The following NELL1 variants were observed in gnomAD, a reference collection of about 807,000 sequenced individuals.
The protein encoded by NELL1 is protein kinase C-binding protein NELL1.
In NELL1, 76 loss-of-function variants were observed where a neutral mutation model predicts 107.4. The observed-to-expected ratio is 0.71, with a 90% CI of 0.59 to 0.86. The LOEUF (loss-of-function observed/expected upper bound fraction) is 0.86. NELL1 is among the 40% of genes least tolerant of loss of function. NELL1 has a pLI of 0.00. For missense variants in NELL1, 1,024 were observed against 1,005.5 expected (o/e 1.02, Z -0.25); for synonymous variants, 353 against 341.2 (o/e 1.03, Z -0.38).
At chr11:20,920,324 A>C (rs1049699179) in intron 7 of NELL1, among the ~76,000 whole-genome samples, 4 of 152,120 alleles carry the variant, frequency 2.6e-5, no homozygotes, top group Non-Finnish European at 4.4e-5. Flanking sequence ...GTGCAAAAAA[A>C]TTGGTGGGTA....
At chr11:20,696,114 AT>A (rs914611494) in intron 2 of NELL1, among the ~76,000 whole-genome samples, 3 of 151,746 alleles carry the variant, frequency 2.0e-5, no homozygotes, top group Admixed American at 1.3e-4. Flanking sequence ...TTTCTGGGGG[AT>A]TGGTTGAAAT....
At chr11:21,271,359 T>C (rs1848735778) in intron 14 of NELL1, among the ~76,000 whole-genome samples, 1 of 152,154 alleles carries the variant, frequency 6.6e-6, no homozygotes, top group African/African-American at 2.4e-5. Context: ...TATGAACAAC[T>C]CTCTATGCCC....
At chr11:21,188,372 T>G (rs1256070268) in intron 13 of NELL1, among the ~76,000 whole-genome samples, 1 of 151,764 alleles carries the variant, frequency 6.6e-6, no homozygotes, top group Non-Finnish European at 1.5e-5. Flanking sequence ...CCCCAGCCCT[T>G]TATCCACAAC....
At chr11:21,261,170 T>A (rs1848523057) in intron 14 of NELL1, among the ~76,000 whole-genome samples, 1 of 151,502 alleles carries the variant, frequency 6.6e-6, no homozygotes, top group Admixed American at 6.6e-5. Flanking sequence ...ATAATTTGGG[T>A]GAAAATAAAA....
chr11:21,098,078 T>C (rs1854695977), intron 12 of NELL1, among the ~76,000 whole-genome samples: 1 of 152,102 alleles, frequency 6.6e-6, no homozygotes, highest in Non-Finnish European at 1.5e-5. Context: ...ACATTCAAGG[T>C]CTGCCTGGAT....
chr11:21,362,546 T>C (rs1186259783), intron 14 of NELL1, among the ~76,000 whole-genome samples: 1 of 152,152 alleles, frequency 6.6e-6, no homozygotes, highest in Non-Finnish European at 1.5e-5. Context: ...GGCATTGGAA[T>C]TAGGTGTCGT....
chr11:21,463,011 AG>A (rs756972248), intron 15 of NELL1, among the ~76,000 whole-genome samples: 209 of 152,222 alleles, frequency 1.4e-3, no homozygotes, highest in South Asian at 2.3e-3. Flanking sequence ...GTTTCAAAAT[AG>A]GTTCCTTGAA....
chr11:21,532,802 A>G (rs1017725294), intron 15 of NELL1, among the ~76,000 whole-genome samples: 2 of 152,206 alleles, frequency 1.3e-5, no homozygotes, highest in South Asian at 2.1e-4. Flanking sequence ...GTATTCAAAA[A>G]GCAGTGGGCT....
At chr11:21,100,505 A>T (rs1364962118) in intron 12 of NELL1, among the ~76,000 whole-genome samples, 1 of 152,174 alleles carries the variant, frequency 6.6e-6, no homozygotes, top group East Asian at 1.9e-4. Flanking sequence ...GAAACCTCAA[A>T]TTTATGGTGG....
chr11:20,814,157 G>C (rs1243316796), intron 3 of NELL1, among the ~76,000 whole-genome samples: 9 of 151,714 alleles, frequency 5.9e-5, no homozygotes. Flanking sequence ...CGCCACGCCC[G>C]GCTAATTTTT....
At chr11:21,066,405 A>AT (rs978099081) in intron 12 of NELL1, among the ~76,000 whole-genome samples, 4 of 152,108 alleles carry the variant, frequency 2.6e-5, no homozygotes, top group Admixed American at 6.5e-5. Context: ...TTTGGCCTTT[A>AT]TTTTTGTTTT....
rs114829473 is a variant in NELL1, at chr11:21,534,781, T to G, written c.1786+267T>G. Among the ~76,000 whole-genome samples the G allele has an allele frequency of 9.5e-3, 1,452 of 152,270 alleles. 21 individuals carry two copies. The highest frequency in any genetic ancestry group is 0.033 in the African/African-American group (1,383 of 41,556). On this transcript the variant is annotated intron_variant, in intron 16 of 19. Transcript: ENST00000357134. The stretch of plus-strand genomic sequence containing the variant: ...CTTTGTTCTAAGGAAAACCTTAGTC[T>G]TCTTAATTCTTTCTAAGGAAAACCG...
intron 13 of NELL1, among the ~76,000 whole-genome samples, chr11:21,216,151 A>C (rs1670627): frequency 0.99 from 150,036 of 152,266 alleles, 73,954 homozygotes; most frequent in Middle Eastern, 1. Flanking sequence ...AAGCCCCTAA[A>C]TTTGACAGCT....
chr11:20,908,548 C>T (rs1201682535), intron 5 of NELL1, among the ~76,000 whole-genome samples: 1 of 151,920 alleles, frequency 6.6e-6, no homozygotes, highest in Non-Finnish European at 1.5e-5. Flanking sequence ...CACACTGGGG[C>T]CTGTTGCGGG....
chr11:20,677,728 G>A (rs1854093912), intron 1 of NELL1, among the ~76,000 whole-genome samples: 1 of 152,100 alleles, frequency 6.6e-6, no homozygotes, highest in African/African-American at 2.4e-5. Context: ...ATTGGGGGTG[G>A]GGTTGGGGGA....
chr11:21,032,267 G>A (rs573895618), intron 12 of NELL1, among the ~76,000 whole-genome samples: 53 of 152,160 alleles, frequency 3.5e-4, no homozygotes, highest in African/African-American at 1.1e-3. Context: ...CTTTGAAGTT[G>A]TATCCTTTAT....
intron 12 of NELL1, among the ~76,000 whole-genome samples, chr11:20,999,136 A>C (rs370534079): frequency 3.6e-4 from 55 of 152,310 alleles, no homozygotes; most frequent in African/African-American, 1.3e-3. Flanking sequence ...ATGGATATCA[A>C]ATGCTGGGGT....
intron 15 of NELL1, among the ~76,000 whole-genome samples, chr11:21,491,969 G>T (rs1263205581): frequency 1.3e-5 from 2 of 152,078 alleles, no homozygotes; most frequent in Non-Finnish European, 2.9e-5. Context: ...AACTGTGAAT[G>T]GGAGTTCACT....
At chr11:21,470,967 T>A (rs1470654287) in intron 15 of NELL1, among the ~76,000 whole-genome samples, 2 of 152,136 alleles carry the variant, frequency 1.3e-5, no homozygotes, top group South Asian at 2.1e-4. Flanking sequence ...GTTAATAAGC[T>A]ATTTTTTACA....
Sources: gnomAD v4.1 joint callset for allele counts (sites outside exome capture counted in the v4.1 genomes callset) on GRCh38, gnomAD v4.1.1 for gene constraint, MANE v1.5 for transcripts, NCBI Gene and HGNC (gene_info 2026-07-23, HGNC 2026-07-21) for gene names.